The following LRRC7 variants were observed in gnomAD, a reference collection of about 807,000 sequenced individuals.
The protein encoded by LRRC7 is leucine-rich repeat-containing protein 7.
A neutral mutation model predicts 175.7 loss-of-function variants in LRRC7; 23 were observed. The observed-to-expected ratio is 0.13, with a 90% CI of 0.09 to 0.19. The LOEUF is 0.19. LRRC7 is among the 10% of genes least tolerant of loss of function. The pLI is 1.00. For synonymous variants in LRRC7, 685 were observed against 680.9 expected (o/e 1.01, Z -0.09); for missense variants, 1,354 against 1,904.7 (o/e 0.71, Z 5.38).
intron 2 of LRRC7, among the ~76,000 whole-genome samples, chr1:69,756,268 G>T (rs573605203): frequency 6.6e-6 from 1 of 151,860 alleles, no homozygotes; most frequent in East Asian, 1.9e-4. Flanking sequence ...AAAAATATTT[G>T]AATTGTAGGA....
intron 3 of LRRC7, among the ~76,000 whole-genome samples, chr1:69,774,911 T>C (rs1451744957): frequency 1.3e-5 from 2 of 150,544 alleles, no homozygotes; most frequent in Non-Finnish European, 1.5e-5. Flanking sequence ...TTTAGAAATG[T>C]AGAAGAAAAT....
intron 17 of LRRC7, among the ~76,000 whole-genome samples, chr1:70,026,868 G>A (rs960698194): frequency 2.6e-5 from 4 of 152,088 alleles, no homozygotes; most frequent in African/African-American, 9.7e-5. Context: ...CCACAAGGAA[G>A]ACAAAATGTC....
chr1:69,615,423 C>T (rs1271059649), intron 1 of LRRC7, among the ~76,000 whole-genome samples: 1 of 151,886 alleles, frequency 6.6e-6, no homozygotes, highest in Non-Finnish European at 1.5e-5. Flanking sequence ...TCTCCCTTCT[C>T]ATGTTGAAAG....
At chr1:70,045,521 C>G (rs190187661) in intron 22 of LRRC7, among the ~76,000 whole-genome samples, 19 of 152,228 alleles carry the variant, frequency 1.2e-4, no homozygotes, top group African/African-American at 4.3e-4. Context: ...GACTCTCATC[C>G]TCTTCCCTAA....
chr1:69,571,489 G>T (rs944444544), intron 1 of LRRC7, among the ~76,000 whole-genome samples: 1 of 151,988 alleles, frequency 6.6e-6, no homozygotes, highest in African/African-American at 2.4e-5. Flanking sequence ...GAATGTTATT[G>T]CTTATGAAAG....
chr1:69,796,071 A>G (rs1289767872), intron 4 of LRRC7, among the ~76,000 whole-genome samples: 1 of 150,074 alleles, frequency 6.7e-6, no homozygotes, highest in Non-Finnish European at 1.5e-5. Flanking sequence ...TTAACTCATC[A>G]TTTAGCATTA....
intron 11 of LRRC7, among the ~76,000 whole-genome samples, chr1:70,005,105 G>A (rs1342720574): frequency 3.6e-4 from 55 of 151,890 alleles, no homozygotes; most frequent in Admixed American, 3.6e-3. Context: ...GCATTCAGGG[G>A]TTTTGCATAT....
At chr1:70,046,232 A>G (rs2102047244) in intron 22 of LRRC7, among the ~76,000 whole-genome samples, 1 of 152,274 alleles carries the variant, frequency 6.6e-6, no homozygotes, top group East Asian at 1.9e-4. Context: ...CCTAACATCT[A>G]AATTACTCTC....
intron 2 of LRRC7, among the ~76,000 whole-genome samples, chr1:69,696,111 G>A (rs1662548643): frequency 6.6e-6 from 1 of 152,198 alleles, no homozygotes. Flanking sequence ...CAGGCTACAG[G>A]CACTCAACTC....
chr1:70,039,470 T>C lies in LRRC7; in HGVS notation c.3646T>C (p.Ser1216Pro). Reference sequence around the variant, plus strand: ...TGGCAGGTATGAAGATGAACACCCTTCATATCAAGAAGTGAAAGCTCAGGC... The same window carrying C: ...TGGCAGGTATGAAGATGAACACCCTCCATATCAAGAAGTGAAAGCTCAGGC... The part of the protein sequence containing the change: ...RNGRYEDEHP[S>P]YQEVKAQAGS... Residue 1216 changes from serine (S) to proline (P), a missense_variant, in exon 21 of 27, where the codon TCA becomes CCA. This residue lies in a region of LRRC7 where 1,032 missense variants were observed against 1,227.2 expected (regional missense o/e 0.84). Transcript: ENST00000651989. 6.8e-6 allele frequency: 11 copies of C among 1,614,092 alleles called. No homozygotes were observed. Among genetic ancestry groups the C allele is most frequent in the Non-Finnish European group, 9.3e-6 (11 of 1,179,996 alleles).
At chr1:69,838,347 T>A in intron 7 of LRRC7, 64 bp downstream of exon 7, 2 of 1,291,654 alleles carry the variant, frequency 1.5e-6, no homozygotes, top group African/African-American at 1.5e-5. Context: ...GAGAAATAAC[T>A]ACTTTTATTT....
At chr1:69,938,421 G>A (rs1219143708) in intron 8 of LRRC7, among the ~76,000 whole-genome samples, 1 of 151,896 alleles carries the variant, frequency 6.6e-6, no homozygotes, top group Non-Finnish European at 1.5e-5. Context: ...TATTCAAATG[G>A]AATTTGTTTC....
intron 1 of LRRC7, among the ~76,000 whole-genome samples, chr1:69,577,118 C>T (rs943358324): frequency 1.5e-4 from 23 of 152,204 alleles, no homozygotes; most frequent in Admixed American, 1.2e-3. Context: ...CAATGTGGGA[C>T]GTGAACACAG....
At chr1:70,044,265 A>G (rs892061051) in intron 22 of LRRC7, among the ~76,000 whole-genome samples, 171 bp downstream of exon 22, 1 of 152,188 alleles carries the variant, frequency 6.6e-6, no homozygotes, top group Admixed American at 6.5e-5. Context: ...CTAAATGAAT[A>G]TTTGTAGCTG....
intron 7 of LRRC7, among the ~76,000 whole-genome samples, chr1:69,895,934 C>A (rs1005952036): frequency 6.6e-6 from 1 of 152,104 alleles, no homozygotes; most frequent in Non-Finnish European, 1.5e-5. Flanking sequence ...GGAAAAGAAG[C>A]CGCAAAGATA....
intron 1 of LRRC7, among the ~76,000 whole-genome samples, chr1:69,570,730 C>G (rs941646813): frequency 2.0e-5 from 3 of 152,026 alleles, no homozygotes; most frequent in Admixed American, 2.0e-4. Flanking sequence ...GAAGTCTTTA[C>G]TTTTTAGAAA....
chr1:69,926,269 A>T (rs1252298082), intron 7 of LRRC7, among the ~76,000 whole-genome samples: 2 of 134,694 alleles, frequency 1.5e-5, no homozygotes, highest in African/African-American at 5.3e-5. Flanking sequence ...TGGTGCTGAA[A>T]AAAATGTATA....
At chr1:69,857,155 A>C (rs376509990) in intron 7 of LRRC7, among the ~76,000 whole-genome samples, 1 of 152,048 alleles carries the variant, frequency 6.6e-6, no homozygotes, top group Non-Finnish European at 1.5e-5. Flanking sequence ...ACAGCCAATA[A>C]CATACTGAAT....
At chr1:70,026,344 T>C (rs998078817) in intron 17 of LRRC7, among the ~76,000 whole-genome samples, 1 of 152,162 alleles carries the variant, frequency 6.6e-6, no homozygotes, top group African/African-American at 2.4e-5. Flanking sequence ...CTTACATTTT[T>C]AATGTAATTT....
Sources: allele counts gnomAD v4.1 joint callset (sites outside exome capture counted in the v4.1 genomes callset), GRCh38; gene constraint gnomAD v4.1.1; regional missense constraint gnomAD v4.1.1; transcripts MANE v1.5; gene names NCBI Gene and HGNC (gene_info 2026-07-23, HGNC 2026-07-21).